The following RALGPS1 variants were observed in gnomAD, a reference collection of about 807,000 sequenced individuals.
RALGPS1 encodes ras-specific guanine nucleotide-releasing factor RalGPS1.
Under a neutral mutation model 78.8 loss-of-function variants are expected in RALGPS1, and 19 were observed. The observed-to-expected ratio is 0.24, with a 90% CI of 0.17 to 0.35. RALGPS1 has a LOEUF of 0.35. Among genes scored for constraint, RALGPS1 ranks in the 10% least tolerant of loss-of-function variants. The probability of loss-of-function intolerance (pLI) is 1.00; values close to 1 mark genes in which losing one functional copy is unlikely to be tolerated. For missense variants in RALGPS1, 454 were observed against 688.3 expected, an observed-to-expected ratio of 0.66 and a Z score of 3.81; for synonymous variants, 228 against 256.3, an observed-to-expected ratio of 0.89 and a Z score of 1.06.
chr9:126,989,024 A>G (rs1301760442), intron 4 of RALGPS1, among the ~76,000 whole-genome samples: 2 of 152,174 alleles, frequency 1.3e-5, no homozygotes, highest in Non-Finnish European at 2.9e-5. Flanking sequence ...ACTTGAGCCT[A>G]GGAGTTTGAG....
Position 127,174,649 on chromosome 9 carries a change from G to C in RALGPS1, c.843-66G>C. The C allele has an allele frequency of 2.8e-6, 4 of 1,435,202 alleles. No homozygotes were observed. The East Asian group carries it at 9.1e-5, about 33-fold the overall frequency. The allele number at this position is 1,435,202 out of a possible 1,614,324, so 88.9% of individuals were successfully genotyped here. ...TCTGTGACTATAGTAGCTTTTCCCA[G>C]CCCCAAACAGGTTCCTGTGTGGTAA... On this transcript the variant is annotated intron_variant, in intron 10 of 18. Coordinates refer to ENST00000259351, the MANE Select transcript of RALGPS1 (RefSeq NM_014636.3).
chr9:127,138,814 T>A (rs1822113042), intron 8 of RALGPS1, among the ~76,000 whole-genome samples: 1 of 152,184 alleles, frequency 6.6e-6, no homozygotes, highest in Non-Finnish European at 1.5e-5. Context: ...AAGCCTGATG[T>A]GACATCCATT....
intron 10 of RALGPS1, among the ~76,000 whole-genome samples, chr9:127,172,121 T>C (rs1324228815): frequency 6.6e-6 from 1 of 152,210 alleles, no homozygotes; most frequent in African/African-American, 2.4e-5. Flanking sequence ...CATCAGGAAG[T>C]AGGACCCCCT....
intron 8 of RALGPS1, among the ~76,000 whole-genome samples, chr9:127,149,802 C>T (rs908125756): frequency 4.6e-5 from 7 of 152,346 alleles, no homozygotes; most frequent in Non-Finnish European, 7.4e-5. Context: ...CCTTGGGAAA[C>T]TCACCCTACT....
At chr9:127,118,568 C>A (rs6478763) in intron 8 of RALGPS1, among the ~76,000 whole-genome samples, 12,672 of 152,250 alleles carry the variant, frequency 0.083, 1,747 homozygotes, top group African/African-American at 0.29. Flanking sequence ...CATGGAGAGA[C>A]CGTGGGAGAG....
intron 1 of RALGPS1, among the ~76,000 whole-genome samples, chr9:126,916,357 G>A (rs1690568968): frequency 6.6e-6 from 1 of 152,186 alleles, no homozygotes; most frequent in African/African-American, 2.4e-5. Context: ...GCAAGTGGAA[G>A]CAGCAGAACA....
chr9:127,125,232 C>T (rs2056520559), intron 8 of RALGPS1, among the ~76,000 whole-genome samples: 1 of 152,218 alleles, frequency 6.6e-6, no homozygotes, highest in Non-Finnish European at 1.5e-5. Flanking sequence ...CAACAAAAAG[C>T]TCTTGTAGTT....
At chr9:127,153,120 A>G (rs2058515498) in intron 8 of RALGPS1, among the ~76,000 whole-genome samples, 1 of 152,190 alleles carries the variant, frequency 6.6e-6, no homozygotes, top group South Asian at 2.1e-4. Flanking sequence ...GACATAGTAT[A>G]TGTGAGTGTG....
At chr9:127,054,658 T>C (rs1341025732) in intron 7 of RALGPS1, among the ~76,000 whole-genome samples, 1 of 152,140 alleles carries the variant, frequency 6.6e-6, no homozygotes, top group African/African-American at 2.4e-5. Flanking sequence ...TCTTCACTCC[T>C]GTTGATGGTT....
At chr9:127,085,420 G>A (rs1414885525) in intron 8 of RALGPS1, among the ~76,000 whole-genome samples, 1 of 152,212 alleles carries the variant, frequency 6.6e-6, no homozygotes, top group Non-Finnish European at 1.5e-5. Context: ...CTGACTGGCT[G>A]TCTTTGCTGG....
chr9:127,020,362 A>T (rs1589053618), intron 4 of RALGPS1, among the ~76,000 whole-genome samples: 2 of 152,364 alleles, frequency 1.3e-5, no homozygotes, highest in African/African-American at 2.4e-5. Flanking sequence ...TATTCCCAGC[A>T]ATAGTCAGGA....
chr9:127,161,749 C>T (rs2059031887), intron 8 of RALGPS1, among the ~76,000 whole-genome samples: 1 of 152,232 alleles, frequency 6.6e-6, no homozygotes, highest in African/African-American at 2.4e-5. Context: ...GCCTCACTGG[C>T]TGCCATACAC....
intron 5 of RALGPS1, among the ~76,000 whole-genome samples, chr9:127,045,762 T>TACACAC (rs59773981): frequency 2.8e-4 from 38 of 137,142 alleles, no homozygotes; most frequent in Admixed American, 6.5e-4. Context: ...CACACACACA[T>TACACAC]ACACACACAC....
chr9:127,016,256 GAAAGA>G, intron 4 of RALGPS1, among the ~76,000 whole-genome samples: 1 of 152,258 alleles, frequency 6.6e-6, no homozygotes, highest in East Asian at 1.9e-4. Flanking sequence ...AACACTGAAA[GAAAGA>G]AAAGTGCTGC....
chr9:127,125,614 A>G (rs1020048658), intron 8 of RALGPS1, among the ~76,000 whole-genome samples: 4 of 152,124 alleles, frequency 2.6e-5, no homozygotes, highest in African/African-American at 9.7e-5. Context: ...TCCTGCCCTC[A>G]GACTTCTCCC....
In RALGPS1 at chr9:126,982,443, T is replaced by C. The variant is rs530672944; in HGVS notation, c.216+4698T>C. On this transcript the variant is annotated intron_variant, in intron 4 of 18. Transcript: ENST00000259351. The stretch of plus-strand genomic sequence containing the variant: ...AGAGTACCTCCGTCATAGGGTTTAT[T>C]TGGAGAATGAAATGAGATAATGCAT... Among the ~76,000 whole-genome samples, 14 of 152,306 alleles carry C rather than the reference T, an allele frequency of 9.2e-5. No individual in the cohort carries two copies. In the East Asian group the frequency reaches 9.6e-4, roughly 10 times the overall value.
chr9:127,205,625 G>A lies in RALGPS1; in HGVS notation c.1248-6506G>A, dbSNP rs2061892302. Among the ~76,000 whole-genome samples the A allele has an allele frequency of 6.6e-6, 1 of 152,180 alleles. No individual in the cohort carries two copies. Among genetic ancestry groups the A allele is most frequent in the African/African-American group, 2.4e-5 (1 of 41,432 alleles). ...TCCAGAGTCAGCACCTAGAAAGCGG[G>A]CAGGACGCTCCTTCCATCTTGTGTC... On this transcript the variant is annotated intron_variant, in intron 14 of 18. Transcript: ENST00000259351. This position sits in a 1 kb window ranked among gnomAD's most constrained non-coding sequence, Gnocchi z 4.0.
At chr9:126,927,777 T>G (rs2035434044) in intron 1 of RALGPS1, among the ~76,000 whole-genome samples, 1 of 152,196 alleles carries the variant, frequency 6.6e-6, no homozygotes, top group African/African-American at 2.4e-5. Context: ...AGGTTCAGGA[T>G]GGATCTGCAA....
chr9:127,052,966 A>G (rs2135408987), intron 7 of RALGPS1, 27 bp downstream of exon 7: 1 of 1,446,096 alleles, frequency 6.9e-7, no homozygotes, highest in African/African-American at 1.4e-5. Context: ...AAGTCTATCT[A>G]ATTTTGGCTA....
Sources: gnomAD v4.1 joint callset for allele counts (sites outside exome capture counted in the v4.1 genomes callset) on GRCh38, gnomAD v4.1.1 for gene constraint, Gnocchi (gnomAD v3.1) non-coding constraint, MANE v1.5 for transcripts, NCBI Gene and HGNC (gene_info 2026-07-23, HGNC 2026-07-21) for gene names.